The following RB1 variants were observed in gnomAD, a reference collection of about 807,000 sequenced individuals.
The protein encoded by RB1 is retinoblastoma-associated protein.
RB1 carries 18 observed loss-of-function variants against 135.4 expected under a neutral mutation model. That is an observed-to-expected ratio of 0.13 (90% confidence interval 0.09 to 0.20). RB1 has a LOEUF of 0.20. Among genes scored for constraint, RB1 ranks in the 10% least tolerant of loss-of-function variants. The pLI is 1.00. For synonymous variants in RB1, 365 were observed against 373.2 expected (o/e 0.98, Z 0.25); for missense variants, 868 against 1,110.0 (o/e 0.78, Z 3.10).
chr13:48,380,282 A>G (rs761045115), intron 16 of RB1, 41 bp downstream of exon 16: 2 of 1,432,788 alleles, frequency 1.4e-6, no homozygotes, highest in Non-Finnish European at 9.8e-7. Context: ...TGTTCAATTT[A>G]AAGTTAAAAT....
chr13:48,422,754 C>A (rs1323461296), intron 17 of RB1: 1 of 151,684 alleles, frequency 6.6e-6, no homozygotes, highest in African/African-American at 2.4e-5. Flanking sequence ...TTGATTGTAC[C>A]ACTGCACTTC....
rs1406503148 is a variant in RB1 at position 48,370,630 on chromosome 13, TGG to T, written c.1127+2028_1127+2029del. ...GATGCATAGGATGAGGTATGGGGGA[TGG>T]GATGGGAAGCTTCTATGCCCTCCCT... On this transcript the variant is annotated intron_variant, in intron 11 of 26. Transcript: ENST00000267163. Among the ~76,000 whole-genome samples, 7 of 152,320 alleles carry T rather than the reference TGG, an allele frequency of 4.6e-5. No homozygotes were observed. In the East Asian group the frequency reaches 1.3e-3, roughly 29 times the overall value.
At position 48,480,484 on chromosome 13, in the gene RB1, T is replaced by G. The variant is rs886050275; in HGVS notation, c.*413T>G. On this transcript the variant is annotated 3_prime_UTR_variant, in exon 27 of 27. Transcript: ENST00000267163. ...TAATTTATATGTATATTTTTTTAATTTAACATGAACACCCTTAGAAAATGT... is the reference window on the plus strand; with the variant it reads ...TAATTTATATGTATATTTTTTTAATGTAACATGAACACCCTTAGAAAATGT... The G allele has an allele frequency of 8.5e-6, 2 of 235,110 alleles. No homozygotes were observed. Among genetic ancestry groups the G allele is most frequent in the Non-Finnish European group, 1.7e-5 (2 of 118,912 alleles). 14.6% of individuals were successfully genotyped at this position (235,110 alleles called of 1,614,324 possible).
intron 23 of RB1, among the ~76,000 whole-genome samples, chr13:48,471,705 T>C (rs1479818506): frequency 6.6e-6 from 1 of 152,192 alleles, no homozygotes; most frequent in African/African-American, 2.4e-5. Flanking sequence ...AAAACACTTT[T>C]ATATTTTTTA....
At chr13:48,439,963 C>T (rs1401723211) in intron 17 of RB1, among the ~76,000 whole-genome samples, 1 of 152,050 alleles carries the variant, frequency 6.6e-6, no homozygotes, top group South Asian at 2.1e-4. Flanking sequence ...TAGATAGATA[C>T]ATGCATACAT....
In RB1 at chr13:48,317,735, A is replaced by G; in HGVS notation, c.264+10329A>G. 1.0e-5 allele frequency: 5 copies of G among 488,434 alleles called. No individual in the cohort carries two copies. The South Asian group carries it at 1.2e-4, about 12-fold the overall frequency. The allele number at this position is 488,434 out of a possible 1,614,324, so 30.3% of individuals were successfully genotyped here. A position where few individuals can be genotyped will look rare whatever the true frequency, so the allele number is the denominator to read the frequency against. On this transcript the variant is annotated intron_variant, in intron 2 of 26. Coordinates refer to ENST00000267163, the MANE Select transcript of RB1 (RefSeq NM_000321.3). ...GGGAGCCCCTTCCTGCCCTGGCTGAACAGGTCGGCTGTGCCCTGTGCTCCA... is the reference window on the plus strand; with the variant it reads ...GGGAGCCCCTTCCTGCCCTGGCTGAGCAGGTCGGCTGTGCCCTGTGCTCCA...
chr13:48,412,085 A>G, intron 17 of RB1: 5 of 1,613,180 alleles, frequency 3.1e-6, no homozygotes, highest in Non-Finnish European at 4.2e-6. Flanking sequence ...CCAGAAATCG[A>G]TCTACACTAA....
chr13:48,317,843 G>C, intron 2 of RB1: 1 of 368,732 alleles, frequency 2.7e-6, no homozygotes, highest in Non-Finnish European at 5.2e-6. Flanking sequence ...CCAGGCGGTG[G>C]GGCCCGCTCC....
chr13:48,458,293 G>GTA (rs55965505), intron 19 of RB1, among the ~76,000 whole-genome samples: 151,612 of 152,164 alleles, frequency 1, 75,537 homozygotes, highest in Middle Eastern at 1. Context: ...CTCTGAGTGT[G>GTA]TATATATGGT....
chr13:48,393,492 T>C (rs189596676), intron 17 of RB1, among the ~76,000 whole-genome samples: 83 of 152,326 alleles, frequency 5.4e-4, no homozygotes, highest in Non-Finnish European at 9.7e-4. Context: ...GTTTATTGTG[T>C]AAAAAGAATT....
chr13:48,376,776 A>G (rs1032830244), intron 12 of RB1, 142 bp from the exon 13 acceptor site: 1 of 1,212,214 alleles, frequency 8.2e-7, no homozygotes, highest in Non-Finnish European at 1.2e-6. Flanking sequence ...GCTTATGTTC[A>G]GTAGTTGTGG....
At chr13:48,393,034 C>G (rs139414178) in intron 17 of RB1, among the ~76,000 whole-genome samples, 74 of 152,280 alleles carry the variant, frequency 4.9e-4, no homozygotes, top group African/African-American at 1.7e-3. Flanking sequence ...CCAGGCATTG[C>G]TCTTCTGAGT....
At chr13:48,396,280 T>C (rs998789154) in intron 17 of RB1, among the ~76,000 whole-genome samples, 5 of 152,122 alleles carry the variant, frequency 3.3e-5, no homozygotes, top group African/African-American at 1.2e-4. Context: ...AACAGCATGG[T>C]ACTGGTACCA....
At chr13:48,447,242 G>A (rs923294466) in intron 17 of RB1, among the ~76,000 whole-genome samples, 3 of 152,164 alleles carry the variant, frequency 2.0e-5, no homozygotes, top group African/African-American at 7.2e-5. Flanking sequence ...GTCGTTTTTG[G>A]GGGGTGGTAG....
chr13:48,374,434 C>A (rs1261136657), intron 12 of RB1, among the ~76,000 whole-genome samples: 1 of 152,146 alleles, frequency 6.6e-6, no homozygotes, highest in East Asian at 1.9e-4. Flanking sequence ...TACTTGTTAA[C>A]AATTCATTCA....
At chr13:48,423,766 C>T (rs1949042011) in intron 17 of RB1, among the ~76,000 whole-genome samples, 2 of 152,024 alleles carry the variant, frequency 1.3e-5, no homozygotes, top group Admixed American at 1.3e-4. Flanking sequence ...AAGTGTGAGC[C>T]AGGCATAGTG....
chr13:48,449,783 C>T (rs1224689652), intron 17 of RB1, among the ~76,000 whole-genome samples: 2 of 152,058 alleles, frequency 1.3e-5, no homozygotes, highest in Admixed American at 1.3e-4. Context: ...CAGTTTATTG[C>T]CGTTTTAGTG....
At chr13:48,463,878 CCATAA>C (rs764884545) in intron 21 of RB1, 43 bp downstream of exon 21, 4 of 1,164,698 alleles carry the variant, frequency 3.4e-6, no homozygotes, top group East Asian at 2.3e-5. Context: ...AAATCCATAT[CCATAA>C]CATAACATAG....
intron 17 of RB1, among the ~76,000 whole-genome samples, chr13:48,440,129 G>C (rs528730496): frequency 6.6e-6 from 1 of 152,216 alleles, no homozygotes; most frequent in African/African-American, 2.4e-5. Context: ...AATCTTGGGA[G>C]TAAAAGGGAA....
Sources: gnomAD v4.1 joint callset for allele counts (sites outside exome capture counted in the v4.1 genomes callset) on GRCh38, gnomAD v4.1.1 for gene constraint, MANE v1.5 for transcripts, NCBI Gene and HGNC (gene_info 2026-07-23, HGNC 2026-07-21) for gene names.